CLIC2: variants seen among roughly 807,000 people sequenced by gnomAD.
The protein encoded by CLIC2 is CLIC family member 2, also known as chloride intracellular channel protein 2.
CLIC2 carries 9 observed loss-of-function variants against 14.8 expected under a neutral mutation model. The ratio of observed to expected loss-of-function variants is 0.61; its 90% CI spans 0.37 to 1.06. CLIC2 has a LOEUF of 1.06. Ranked by LOEUF, CLIC2 falls within the 50% of genes least tolerant of loss-of-function variation. The probability of loss-of-function intolerance (pLI) is 0.01; values close to 1 mark genes in which losing one functional copy is unlikely to be tolerated. For missense variants in CLIC2, 148 were observed against 181.4 expected (o/e 0.82, Z 1.06); for synonymous variants, 61 against 66.3 (o/e 0.92, Z 0.39).
At chrX:155,304,553 G>T (rs2124187327) in intron 1 of CLIC2, among the ~76,000 whole-genome samples, 1 of 95,161 alleles carries the variant, frequency 1.1e-5, no homozygotes, top group Non-Finnish European at 2.1e-5. Context: ...AGAGTAATTT[G>T]ATCATCTGAA....
At position 155,278,093 on chromosome X, in the gene CLIC2, A is replaced by G. The variant is rs1460817211; in HGVS notation, c.583-29T>C. 4 of 1,167,801 alleles carry G rather than the reference A, an allele frequency of 3.4e-6. No individual in the cohort carries two copies. The East Asian group carries it at 1.2e-4, about 35-fold the overall frequency. On this transcript the variant is annotated intron_variant, in intron 5 of 5. Coordinates refer to ENST00000369449, the MANE Select transcript of CLIC2 (RefSeq NM_001289.6). The stretch of plus-strand genomic sequence containing the variant: ...GAATTTTGCAAAAAAAAGAGGAAAA[A>G]GAAGGCATCAGTAATATGCCTACTA...
chrX:155,320,059 T>C (rs7054814), intron 1 of CLIC2, among the ~76,000 whole-genome samples: 18,214 of 111,719 alleles, frequency 0.16, 1,172 homozygotes, highest in East Asian at 0.26. Flanking sequence ...GCAGCCCCAG[T>C]CAGGGCTTAT....
At chrX:155,305,115 G>C (rs1476633740) in intron 1 of CLIC2, among the ~76,000 whole-genome samples, 1 of 112,303 alleles carries the variant, frequency 8.9e-6, no homozygotes, top group Admixed American at 9.4e-5. Context: ...CACCCAGTTC[G>C]AGCTTCTGGG....
intron 3 of CLIC2, among the ~76,000 whole-genome samples, chrX:155,289,820 C>T (rs1441017882): frequency 1.8e-5 from 2 of 111,741 alleles, no homozygotes; most frequent in African/African-American, 6.5e-5. Flanking sequence ...ATATAAAAGA[C>T]TGCTGCAATA....
intron 3 of CLIC2, among the ~76,000 whole-genome samples, chrX:155,295,384 A>G: frequency 9.0e-6 from 1 of 111,370 alleles, no homozygotes. Flanking sequence ...AATAAAGGCT[A>G]TATATGATAA....
At chrX:155,289,670 C>G (rs782167455) in intron 3 of CLIC2, among the ~76,000 whole-genome samples, 10 of 111,763 alleles carry the variant, frequency 8.9e-5, no homozygotes, top group Admixed American at 2.9e-4. Flanking sequence ...TTTGGCTTCA[C>G]AGAGCCTTAG....
chrX:155,305,164 C>A (rs1349745385), intron 1 of CLIC2, among the ~76,000 whole-genome samples: 1 of 112,037 alleles, frequency 8.9e-6, no homozygotes, highest in East Asian at 2.8e-4. Flanking sequence ...CAATGGCGGG[C>A]GCCCCTCCCC....
intron 1 of CLIC2, among the ~76,000 whole-genome samples, chrX:155,319,880 G>T (rs1390501258): frequency 8.9e-6 from 1 of 112,002 alleles, no homozygotes; most frequent in Non-Finnish European, 1.9e-5. Context: ...AGGGGAAGGG[G>T]TGTCCACCAT....
Position 155,279,132 on chromosome X carries a change from G to A in CLIC2, c.582+17C>T. The A allele has an allele frequency of 8.3e-7, 1 of 1,204,026 alleles. No individual in the cohort carries two copies. Among genetic ancestry groups the A allele is most frequent in the East Asian group, 3.0e-5 (1 of 33,812 alleles). ...CAAACCCCTCCCACCCATTCAGCCT[G>A]CCTTATAAAGACTTACTTTAATAAT... On this transcript the variant is annotated intron_variant, in intron 5 of 5. Coordinates refer to ENST00000369449, the MANE Select transcript of CLIC2 (RefSeq NM_001289.6).
At position 155,298,806 on chromosome X, in the gene CLIC2, T is replaced by C; in HGVS notation, c.272A>G (p.Glu91Gly). 8.3e-7 allele frequency: 1 copy of C among 1,210,026 alleles called. No homozygotes were observed. Among genetic ancestry groups the C allele is most frequent in the South Asian group, 1.8e-5 (1 of 56,941 alleles). ...TDFIKIEEFL[E>G]QTLAPPRYPH... ...GTACCTTGGAGGAGCCAGGGTTTGTTCTAAAAACTCCTCAATTTTAATGAA... is the reference window on the plus strand; with the variant it reads ...GTACCTTGGAGGAGCCAGGGTTTGTCCTAAAAACTCCTCAATTTTAATGAA... Residue 91 changes from glutamate to glycine, a missense_variant, in exon 3 of 6, where the codon GAA (glutamate) becomes GGA (glycine). Physicochemically the swap from Glu to Gly is moderately conservative, Grantham distance 98. Coordinates refer to ENST00000369449, the MANE Select transcript of CLIC2 (RefSeq NM_001289.6).
At position 155,327,857 on chromosome X, in the gene CLIC2, A is replaced by G. The variant is rs1172799817; in HGVS notation, c.57+6514T>C. Among the ~76,000 whole-genome samples the G allele has an allele frequency of 3.6e-5, 4 of 111,876 alleles. No homozygotes were observed. The Admixed American group carries it at 3.8e-4, about 11-fold the overall frequency. ...CAGTGATGCAAGAATGGTTCAACAT[A>G]CACACATCAATTAATGAGATACATC... is the stretch of plus-strand genomic sequence containing the variant. On this transcript the variant is annotated intron_variant, in intron 1 of 5. Coordinates refer to ENST00000369449, the MANE Select transcript of CLIC2 (RefSeq NM_001289.6).
intron 1 of CLIC2, among the ~76,000 whole-genome samples, chrX:155,330,002 T>G (rs782524364): frequency 2.7e-5 from 3 of 110,783 alleles, no homozygotes; most frequent in Non-Finnish European, 5.7e-5. Context: ...TTTGAACTCA[T>G]AGAGAGAGTA....
In CLIC2 at chrX:155,313,266, T is replaced by A. The variant is rs1602954162; in HGVS notation, c.58-14121A>T. 3.7e-5 allele frequency among the ~76,000 whole-genome samples: 4 copies of A among 107,588 alleles called. No homozygotes were observed. In the Admixed American group the frequency reaches 4.0e-4, roughly 11 times the overall value. 93.4% of individuals were successfully genotyped at this position (107,588 alleles called of 115,157 possible). ...AAAAAGGAACACAGACACTGTTAAG[T>A]GGGAGTCTAAATTAGTTCAACTATT... On this transcript the variant is annotated intron_variant, in intron 1 of 5. Transcript: ENST00000369449.
chrX:155,305,008 C>T (rs1194587818), intron 1 of CLIC2, among the ~76,000 whole-genome samples: 7 of 110,638 alleles, frequency 6.3e-5, no homozygotes, highest in Non-Finnish European at 1.1e-4. Context: ...ACATTTAAGT[C>T]GGCAGAGGTT....
intron 1 of CLIC2, among the ~76,000 whole-genome samples, chrX:155,311,953 G>T (rs1201800247): frequency 9.0e-6 from 1 of 111,233 alleles, no homozygotes; most frequent in Non-Finnish European, 1.9e-5. Context: ...TCTCCCACTG[G>T]GTCCCTCCCA....
intron 1 of CLIC2, among the ~76,000 whole-genome samples, chrX:155,328,244 T>C (rs1366005795): frequency 9.0e-6 from 1 of 111,077 alleles, no homozygotes; most frequent in Non-Finnish European, 1.9e-5. Flanking sequence ...GATGATATGA[T>C]CTTATATTTG....
intron 3 of CLIC2, among the ~76,000 whole-genome samples, chrX:155,296,181 G>A (rs180805161): frequency 4.9e-4 from 55 of 111,735 alleles, no homozygotes; most frequent in African/African-American, 1.8e-3. Context: ...CAGAGCAATG[G>A]TCAGAATAGA....
intron 1 of CLIC2, chrX:155,310,320 G>A: frequency 5.6e-6 from 1 of 177,659 alleles, no homozygotes; most frequent in Admixed American, 7.0e-5. Context: ...TGTATATAGT[G>A]CCAGGTCAGG....
intron 1 of CLIC2, among the ~76,000 whole-genome samples, chrX:155,320,709 G>A (rs188541238): frequency 1.8e-5 from 2 of 111,690 alleles, no homozygotes; most frequent in East Asian, 5.6e-4. Flanking sequence ...GATGGAGAAC[G>A]AGTTTGACAA....
Sources: gnomAD v4.1 joint callset for allele counts (sites outside exome capture counted in the v4.1 genomes callset) on GRCh38, gnomAD v4.1.1 for gene constraint, MANE v1.5 for transcripts, NCBI Gene and HGNC (gene_info 2026-07-23, HGNC 2026-07-21) for gene names.